CDH13: variants seen among roughly 807,000 people sequenced by gnomAD.
CDH13 encodes the protein cadherin 13.
In CDH13, 24 loss-of-function variants were observed where a neutral mutation model predicts 63.8. That is an observed-to-expected ratio of 0.38 (90% CI 0.27 to 0.53). CDH13 has a LOEUF of 0.53. Among genes scored for constraint, CDH13 ranks in the 20% least tolerant of loss-of-function variants. The pLI, the probability that CDH13 is intolerant of heterozygous loss-of-function variation, is 0.85. For synonymous variants in CDH13, 503 were observed against 355.3 expected, an observed-to-expected ratio of 1.42 and a Z score of -4.67; for missense variants, 1,049 against 903.1, an observed-to-expected ratio of 1.16 and a Z score of -2.07.
intron 13 of CDH13, among the ~76,000 whole-genome samples, chr16:83,790,389 G>GT (rs879757235): frequency 5.9e-5 from 9 of 151,944 alleles, no homozygotes; most frequent in South Asian, 2.1e-4. Flanking sequence ...TTTACTGTCA[G>GT]TTTTTTTTGT....
intron 11 of CDH13, among the ~76,000 whole-genome samples, chr16:83,763,337 C>G (rs1053951287): frequency 1.3e-5 from 2 of 152,176 alleles, no homozygotes; most frequent in Non-Finnish European, 2.9e-5. Context: ...CTTCAGTCCT[C>G]TGTAAGATAG....
intron 4 of CDH13, among the ~76,000 whole-genome samples, chr16:83,137,047 G>C (rs977662944): frequency 1.3e-5 from 2 of 152,224 alleles, no homozygotes; most frequent in African/African-American, 4.8e-5. Flanking sequence ...CTCAGGGACC[G>C]TGACACTGGA....
intron 6 of CDH13, among the ~76,000 whole-genome samples, chr16:83,410,986 A>G (rs1309369611): frequency 1.3e-5 from 2 of 152,182 alleles, no homozygotes; most frequent in East Asian, 1.9e-4. Context: ...ATTAAAATTC[A>G]TAAGTCAACC....
intron 1 of CDH13, among the ~76,000 whole-genome samples, chr16:82,642,839 G>T (rs1909586171): frequency 6.6e-6 from 1 of 152,106 alleles, no homozygotes; most frequent in Non-Finnish European, 1.5e-5. Context: ...ATCTTCTATG[G>T]TTTTAATCCC....
intron 1 of CDH13, among the ~76,000 whole-genome samples, chr16:82,645,417 G>T (rs139900943): frequency 0.017 from 2,651 of 152,216 alleles, 41 homozygotes; most frequent in Non-Finnish European, 0.027. Context: ...CTCAACTGTT[G>T]GGGTGAGGGG....
chr16:82,928,159 C>CGT (rs1459344388), intron 2 of CDH13, among the ~76,000 whole-genome samples: 2 of 46,648 alleles, frequency 4.3e-5, no homozygotes, highest in African/African-American at 1.2e-4. Flanking sequence ...AGTAGGCAGT[C>CGT]GTGTATGTGT....
At chr16:83,018,881 T>C (rs1403054063) in intron 2 of CDH13, among the ~76,000 whole-genome samples, 1 of 152,160 alleles carries the variant, frequency 6.6e-6, no homozygotes, top group Admixed American at 6.5e-5. Flanking sequence ...AAAAATATAG[T>C]CTAAAAGGTA....
intron 7 of CDH13, among the ~76,000 whole-genome samples, chr16:83,536,649 A>T (rs185385935): frequency 4.6e-5 from 7 of 152,302 alleles, no homozygotes; most frequent in Non-Finnish European, 1.0e-4. Flanking sequence ...ATATATACAG[A>T]GATGCATCTT....
intron 6 of CDH13, among the ~76,000 whole-genome samples, chr16:83,437,606 G>A (rs1244256271): frequency 6.6e-6 from 1 of 152,218 alleles, no homozygotes; most frequent in East Asian, 1.9e-4. Flanking sequence ...GAACCCAGGA[G>A]GCAGAGGTTG....
intron 10 of CDH13, among the ~76,000 whole-genome samples, chr16:83,698,556 TG>T (rs1286220110): frequency 2.0e-5 from 3 of 152,204 alleles, no homozygotes; most frequent in Non-Finnish European, 4.4e-5. Context: ...TGCTTCCTCC[TG>T]GGCAGACAGG....
chr16:82,908,293 A>G (rs1186234406), intron 2 of CDH13, among the ~76,000 whole-genome samples: 2 of 152,200 alleles, frequency 1.3e-5, no homozygotes. Flanking sequence ...AAATTCCAGA[A>G]TGTTCTGGAA....
At chr16:82,911,296 T>C (rs1420263939) in intron 2 of CDH13, among the ~76,000 whole-genome samples, 2 of 152,216 alleles carry the variant, frequency 1.3e-5, no homozygotes, top group African/African-American at 4.8e-5. Flanking sequence ...TATGGCAACA[T>C]CAAGGAATAG....
chr16:82,764,290 T>C (rs2034965993), intron 1 of CDH13, among the ~76,000 whole-genome samples: 2 of 152,212 alleles, frequency 1.3e-5, no homozygotes, highest in Admixed American at 1.3e-4. Flanking sequence ...CAGCAGCTGA[T>C]TATTTGGTTC....
At chr16:82,673,990 C>G (rs1913599985) in intron 1 of CDH13, among the ~76,000 whole-genome samples, 1 of 152,198 alleles carries the variant, frequency 6.6e-6, no homozygotes, top group Non-Finnish European at 1.5e-5. Flanking sequence ...TCTTTCTCCT[C>G]CAGACTTTCA....
At chr16:83,192,599 C>T (rs764125727) in intron 4 of CDH13, among the ~76,000 whole-genome samples, 12 of 152,076 alleles carry the variant, frequency 7.9e-5, no homozygotes, top group East Asian at 1.9e-4. Context: ...TCTGAGTTTC[C>T]GTGGTTGACT....
intron 6 of CDH13, among the ~76,000 whole-genome samples, chr16:83,481,281 TAAA>T (rs1312868807): frequency 6.6e-6 from 1 of 152,172 alleles, no homozygotes; most frequent in African/African-American, 2.4e-5. Context: ...TAGCATTTTG[TAAA>T]AAATGAGCCT....
chr16:83,673,111 C>T (rs537217629), intron 9 of CDH13, among the ~76,000 whole-genome samples: 1 of 152,320 alleles, frequency 6.6e-6, no homozygotes, highest in Non-Finnish European at 1.5e-5. Context: ...TATAGGAGTA[C>T]ATTACAAACC....
chr16:83,496,406 G>T (rs2074145428), intron 7 of CDH13, among the ~76,000 whole-genome samples: 1 of 150,834 alleles, frequency 6.6e-6, no homozygotes, highest in African/African-American at 2.4e-5. Flanking sequence ...ACAAGCAATG[G>T]GGAAAGGATT....
intron 1 of CDH13, chr16:82,704,976 C>T (rs1423904144): frequency 2.8e-6 from 1 of 357,492 alleles, no homozygotes; most frequent in Non-Finnish European, 5.5e-6. Flanking sequence ...GACAATGTCT[C>T]TTGCTGCTGC....
Sources: gnomAD v4.1 joint callset for allele counts (sites outside exome capture counted in the v4.1 genomes callset) on GRCh38, gnomAD v4.1.1 for gene constraint, MANE v1.5 for transcripts, NCBI Gene and HGNC (gene_info 2026-07-23, HGNC 2026-07-21) for gene names.